Variants in BMPR2 observed in about 807,000 individuals in gnomAD.
The protein encoded by BMPR2 is bone morphogenetic protein receptor type-2.
BMPR2 carries 29 observed loss-of-function variants against 100.8 expected under a neutral mutation model. That is an observed-to-expected ratio of 0.29 (90% CI 0.21 to 0.39). The LOEUF (loss-of-function observed/expected upper bound fraction) is 0.39, where lower values mean the gene tolerates loss of function less well. Ranked by LOEUF, BMPR2 falls within the 10% of genes least tolerant of loss-of-function variation. The pLI is 1.00. For missense variants in BMPR2, 1,011 were observed against 1,274.5 expected, an observed-to-expected ratio of 0.79 and a Z score of 3.15; for synonymous variants, 382 against 442.3, an observed-to-expected ratio of 0.86 and a Z score of 1.71.
At position 202,495,339 on chromosome 2, in the gene BMPR2, A is replaced by G. The variant is rs1469791994; in HGVS notation, c.419-18380A>G. On this transcript the variant is annotated intron_variant, in intron 3 of 12. Transcript: ENST00000374580. This position sits in a 1 kb window ranked among gnomAD's most constrained non-coding sequence, Gnocchi z 4.5. ...CCTGGAGTTGGGCCGCTTGGTGGCC[A>G]GGGCTCTCCTCCGTCTGCCCCAGCC... 1.3e-5 allele frequency among the ~76,000 whole-genome samples: 2 copies of G among 152,204 alleles called. No individual in the cohort carries two copies. Among genetic ancestry groups the G allele is most frequent in the African/African-American group, 2.4e-5 (1 of 41,466 alleles).
intron 9 of BMPR2, among the ~76,000 whole-genome samples, chr2:202,536,213 A>AGGTGATTC (rs981071280): frequency 2.6e-5 from 4 of 152,236 alleles, no homozygotes; most frequent in African/African-American, 9.6e-5. Context: ...CCCCAGGCTC[A>AGGTGATTC]GGTGATTCTC....
At chr2:202,507,553 CTAA>C (rs1687544259) in intron 3 of BMPR2, among the ~76,000 whole-genome samples, 1 of 152,118 alleles carries the variant, frequency 6.6e-6, no homozygotes. Context: ...CCACACCCAG[CTAA>C]TTTTTTATTT....
At position 202,565,830 on chromosome 2, in the gene BMPR2, G is replaced by C. The variant is rs550878749; in HGVS notation, c.*5884G>C. 1.3e-5 allele frequency: 2 copies of C among 152,126 alleles called. No individual in the cohort carries two copies. The highest frequency in any genetic ancestry group is 2.9e-5 in the Non-Finnish European group (2 of 67,998). 9.4% of individuals were successfully genotyped at this position (152,126 alleles called of 1,614,324 possible). On this transcript the variant is annotated 3_prime_UTR_variant, in exon 13 of 13. Coordinates refer to ENST00000374580, the MANE Select transcript of BMPR2 (RefSeq NM_001204.7). The stretch of plus-strand genomic sequence containing the variant: ...TTTAACTTTTAGGTGACTGATTTAA[G>C]TTGAGTGTGCATATAGAGAAAAACC...
intron 1 of BMPR2, among the ~76,000 whole-genome samples, chr2:202,393,235 G>A: frequency 6.6e-6 from 1 of 152,154 alleles, no homozygotes; most frequent in East Asian, 1.9e-4. Flanking sequence ...TACACTTAAG[G>A]TTAGAATAAT....
At chr2:202,403,210 C>G (rs1690806187) in intron 1 of BMPR2, among the ~76,000 whole-genome samples, 1 of 124,702 alleles carries the variant, frequency 8.0e-6, no homozygotes, top group Admixed American at 8.7e-5. Flanking sequence ...CCCTCCCCTC[C>G]TCTTTTCGAG....
At chr2:202,497,291 G>A (rs1693056317) in intron 3 of BMPR2, among the ~76,000 whole-genome samples, 2 of 152,212 alleles carry the variant, frequency 1.3e-5, no homozygotes, top group African/African-American at 4.8e-5. Flanking sequence ...GACAATCGCT[G>A]AGCGGTGAGA....
intron 1 of BMPR2, among the ~76,000 whole-genome samples, chr2:202,380,582 A>G: frequency 6.6e-6 from 1 of 151,702 alleles, no homozygotes; most frequent in East Asian, 1.9e-4. Context: ...CAGGTGCTTG[A>G]GAAGCACTGC....
chr2:202,420,815 G>A (rs1172666601), intron 1 of BMPR2, among the ~76,000 whole-genome samples: 1 of 151,740 alleles, frequency 6.6e-6, no homozygotes, highest in Non-Finnish European at 1.5e-5. Flanking sequence ...CCAAAGTGGT[G>A]GAATTACAGG....
chr2:202,430,459 G>A (rs1243703758), intron 1 of BMPR2, among the ~76,000 whole-genome samples: 1 of 152,126 alleles, frequency 6.6e-6, no homozygotes, highest in Non-Finnish European at 1.5e-5. Context: ...TTGAATATGT[G>A]GAGTTGTTGA....
chr2:202,385,434 C>T (rs1280804444), intron 1 of BMPR2, among the ~76,000 whole-genome samples: 1 of 131,784 alleles, frequency 7.6e-6, no homozygotes, highest in African/African-American at 3.0e-5. Flanking sequence ...GGCGTGATCT[C>T]GGCTCACGAC....
At chr2:202,447,209 G>A (rs1024850752) in intron 1 of BMPR2, among the ~76,000 whole-genome samples, 1 of 150,188 alleles carries the variant, frequency 6.7e-6, no homozygotes, top group Non-Finnish European at 1.5e-5. Context: ...TTGGGAGGCT[G>A]ATGCAAGGAG....
At chr2:202,388,507 G>C (rs538197823) in intron 1 of BMPR2, among the ~76,000 whole-genome samples, 2 of 150,848 alleles carry the variant, frequency 1.3e-5, no homozygotes, top group East Asian at 2.0e-4. Context: ...AAGATACGCC[G>C]GGTGCAGTGG....
intron 1 of BMPR2, among the ~76,000 whole-genome samples, chr2:202,412,617 C>A (rs540531022): frequency 6.6e-6 from 1 of 152,280 alleles, no homozygotes; most frequent in East Asian, 1.9e-4. Context: ...CCGTGCCCGG[C>A]CGTTTCTGTT....
chr2:202,506,183 CAG>C (rs1464387829), intron 3 of BMPR2, among the ~76,000 whole-genome samples: 2 of 151,522 alleles, frequency 1.3e-5, no homozygotes, highest in East Asian at 3.9e-4. Flanking sequence ...TTTTTTGAGA[CAG>C]AGTCTCACTC....
intron 3 of BMPR2, among the ~76,000 whole-genome samples, chr2:202,470,025 A>G (rs979761214): frequency 6.6e-6 from 1 of 152,152 alleles, no homozygotes; most frequent in Non-Finnish European, 1.5e-5. Context: ...TTCTGAAACC[A>G]TCGTAGATGC....
intron 1 of BMPR2, among the ~76,000 whole-genome samples, chr2:202,427,455 A>C (rs532406561): frequency 1.3e-5 from 2 of 152,044 alleles, no homozygotes; most frequent in South Asian, 4.2e-4. Context: ...CAGTAAGCAA[A>C]CAGTGCTTTT....
At position 202,434,933 on chromosome 2, in the gene BMPR2, A is replaced by ATT. The variant is rs1553500470; in HGVS notation, c.77-29875_77-29874insTT. Reference sequence around the variant, plus strand: ...AATATATATATATATATATATATATATATTTATTTATTTATTTACGTCTAT... The same window carrying ATT: ...AATATATATATATATATATATATATATTTATTTATTTATTTATTTACGTCTAT... On this transcript the variant is annotated intron_variant, in intron 1 of 12. Coordinates refer to ENST00000374580, the MANE Select transcript of BMPR2 (RefSeq NM_001204.7). 6.4e-3 allele frequency among the ~76,000 whole-genome samples: 525 copies of ATT among 81,946 alleles called. 9 individuals are homozygous for ATT. The highest frequency in any genetic ancestry group is 0.029 in the Middle Eastern group (4 of 138). The allele number at this position is 81,946 out of a possible 152,430, so 53.8% of individuals were successfully genotyped here. A position where few individuals can be genotyped will look rare whatever the true frequency, so the allele number is the denominator to read the frequency against.
intron 3 of BMPR2, among the ~76,000 whole-genome samples, chr2:202,486,351 G>A (rs563229623): frequency 3.3e-5 from 5 of 152,192 alleles, no homozygotes; most frequent in South Asian, 2.1e-4. Context: ...GAGACAGGCC[G>A]GGCAGGGTGG....
intron 1 of BMPR2, among the ~76,000 whole-genome samples, chr2:202,380,108 CA>C (rs1450133145): frequency 6.6e-6 from 1 of 151,788 alleles, no homozygotes; most frequent in Non-Finnish European, 1.5e-5. Context: ...CCTCGTGATC[CA>C]CCTGCCTCGG....
Sources: allele counts gnomAD v4.1 joint callset (sites outside exome capture counted in the v4.1 genomes callset), GRCh38; gene constraint gnomAD v4.1.1; non-coding constraint Gnocchi (gnomAD v3.1); transcripts MANE v1.5; gene names NCBI Gene and HGNC (gene_info 2026-07-23, HGNC 2026-07-21).